The following AMY2B variants were observed in gnomAD, a reference collection of about 807,000 sequenced individuals.
AMY2B encodes amylase alpha 2B.
A neutral mutation model predicts 59.3 loss-of-function variants in AMY2B; 63 were observed. The ratio of observed to expected loss-of-function variants is 1.06; its 90% CI spans 0.87 to 1.31. AMY2B has a LOEUF of 1.31. AMY2B is among the 50% of genes most tolerant of loss of function. AMY2B has a pLI of 0.00. For synonymous variants in AMY2B, 180 were observed against 198.1 expected (o/e 0.91, Z 0.77); for missense variants, 635 against 626.7 (o/e 1.01, Z -0.14).
intron 1 of AMY2B, chr1:103,555,296 T>TA (rs1464099098): frequency 3.3e-5 from 5 of 151,666 alleles, no homozygotes; most frequent in Middle Eastern, 3.4e-3. Context: ...CATAATATTA[T>TA]AAAAAATATA....
At chr1:103,579,275 G>A (rs776345637) in intron 9 of AMY2B, 36 bp from the exon 10 acceptor site, 1 of 1,611,508 alleles carries the variant, frequency 6.2e-7, no homozygotes, top group Non-Finnish European at 8.5e-7. Flanking sequence ...TTGATTTTCA[G>A]TGTATTGAAG....
At chr1:103,554,849 A>G (rs899728476) in exon 1 of AMY2B, 1 of 152,594 alleles carries the variant, frequency 6.6e-6, no homozygotes, top group Non-Finnish European at 1.5e-5. Flanking sequence ...TTCTGTAGGC[A>G]TAGTTAAAAA....
At chr1:103,569,256 GCACA>G (rs376006540), upstream of AMY2B, 2 of 151,222 alleles carry the variant, frequency 1.3e-5, no homozygotes, top group African/African-American at 4.9e-5. Flanking sequence ...ATACACACAC[GCACA>G]CACACACAGA....
rs748203361 is a variant in AMY2B, at chr1:103,573,213, T to C, written c.466T>C (p.Cys156Arg). ...YSGWDFNDGK[C>R]KTGSGDIENY... ...TGGATGGGATTTTAATGATGGTAAATGTAAAACTGGAAGTGGAGATATCGA... is the reference window on the plus strand; with the variant it reads ...TGGATGGGATTTTAATGATGGTAAACGTAAAACTGGAAGTGGAGATATCGA... The change falls in exon 3 of 10, where the codon TGT becomes CGT. Residue 156 changes from cysteine (C) to arginine (R), a missense_variant. Coordinates refer to ENST00000684275, the MANE Select transcript of AMY2B (RefSeq NM_001387437.1). 6 of 1,613,620 alleles carry C rather than the reference T, an allele frequency of 3.7e-6. No homozygotes were observed. In the Admixed American group the frequency reaches 6.7e-5, roughly 18 times the overall value.
chr1:103,565,567 C>A lies in AMY2B; in HGVS notation c.-74C>A, dbSNP rs1456306793. ...ACGTTGTTGGAATGACTAGGGACAA[C>A]TAGACTTCAAGTGATCTTTCATCCC... On this transcript the variant is annotated 5_prime_UTR_variant, in exon 2 of 12. Transcript: ENST00000361355. 3 of 152,142 alleles carry A rather than the reference C, an allele frequency of 2.0e-5. No individual in the cohort carries two copies. In the East Asian group the frequency reaches 5.8e-4, roughly 29 times the overall value. 9.4% of individuals were successfully genotyped at this position (152,142 alleles called of 1,614,324 possible). A position where few individuals can be genotyped will look rare whatever the true frequency, so the allele number is the denominator to read the frequency against.
chr1:103,579,257 C>T, intron 9 of AMY2B, 54 bp from the exon 10 acceptor site: 1 of 1,611,214 alleles, frequency 6.2e-7, no homozygotes, highest in Non-Finnish European at 8.5e-7. Flanking sequence ...TTGTGTTAGC[C>T]TGTATTCTTG....
At chr1:103,558,939 CATAAT>C (rs560160619) in intron 1 of AMY2B, among the ~76,000 whole-genome samples, 90 of 152,118 alleles carry the variant, frequency 5.9e-4, no homozygotes, top group African/African-American at 2.0e-3. Context: ...TTGTAAACAA[CATAAT>C]ATAACAAGTT....
upstream of AMY2B, chr1:103,570,298 A>G (rs1652073219): frequency 6.7e-6 from 4 of 595,126 alleles, no homozygotes; most frequent in African/African-American, 1.8e-5. Flanking sequence ...TGTCATCACC[A>G]TCGGCAATGA....
chr1:103,569,627 C>A (rs1428996224), upstream of AMY2B: 5 of 401,624 alleles, frequency 1.2e-5, no homozygotes, highest in Admixed American at 3.0e-5. Flanking sequence ...CTGGGGACGA[C>A]AACCCCCAGC....
chr1:103,574,784 A>G lies in AMY2B; in HGVS notation c.878+391A>G, dbSNP rs530128255. 2.0e-5 allele frequency among the ~76,000 whole-genome samples: 3 copies of G among 151,546 alleles called. No individual in the cohort carries two copies. The East Asian group carries it at 5.8e-4, about 29-fold the overall frequency. ...GAATTAAAAATATAAAAATATTTAT[A>G]TTATAACAATACAGTATTGAAGCCT... On this transcript the variant is annotated intron_variant, in intron 5 of 9. Transcript: ENST00000684275.
rs1652482027 is a variant in AMY2B, at chr1:103,579,307, A to G, written c.1347-4A>G. 2.5e-6 allele frequency: 4 copies of G among 1,611,672 alleles called. No homozygotes were observed. The highest frequency in any genetic ancestry group is 3.4e-6 in the Non-Finnish European group (4 of 1,179,662). On this transcript the variant is annotated splice_region_variant and splice_polypyrimidine_tract_variant and intron_variant, in intron 9 of 9. Coordinates refer to ENST00000684275, the MANE Select transcript of AMY2B (RefSeq NM_001387437.1). ...GAAGTTAAATCTGAAATTTTATTTT[A>G]CAGGACATTTTCTTTAACTTTGCAA...
intron 4 of AMY2B, 149 bp from the exon 5 acceptor site, chr1:103,574,108 AAAC>A (rs1652249837): frequency 6.8e-7 from 1 of 1,475,078 alleles, no homozygotes; most frequent in African/African-American, 1.4e-5. Flanking sequence ...ATCACAAACA[AAAC>A]AAAACAAGAC....
chr1:103,575,541 G>C lies in AMY2B; in HGVS notation c.1101+1G>C, dbSNP rs201379773. ...GCCAAGACAGTTTCAAAATGGAAAC[G>C]TAAGTTTTGAAATTGTTCAAACTAT... is the stretch of plus-strand genomic sequence containing the variant. On this transcript the variant is annotated splice_donor_variant, in intron 7 of 9. Coordinates refer to ENST00000684275, the MANE Select transcript of AMY2B (RefSeq NM_001387437.1). LOFTEE classifies it high-confidence loss of function. 2 of 1,613,462 alleles carry C rather than the reference G, an allele frequency of 1.2e-6. No individual in the cohort carries two copies. The highest frequency in any genetic ancestry group is 1.3e-5 in the African/African-American group (1 of 74,998).
intron 9 of AMY2B, among the ~76,000 whole-genome samples, chr1:103,579,103 T>C (rs1026801622): frequency 4.6e-5 from 7 of 152,226 alleles, no homozygotes; most frequent in Non-Finnish European, 1.0e-4. Context: ...ATATTTTCAC[T>C]ACGGACCAGG....
chr1:103,567,188 A>G (rs1467750636), upstream of AMY2B, among the ~76,000 whole-genome samples: 2 of 152,194 alleles, frequency 1.3e-5, 1 homozygote, highest in East Asian at 3.8e-4. Context: ...ATGTGGAAGG[A>G]AAAGTAGTTG....
intron 1 of AMY2B, among the ~76,000 whole-genome samples, chr1:103,559,640 A>C (rs2101060713): frequency 6.6e-6 from 1 of 152,316 alleles, no homozygotes; most frequent in African/African-American, 2.4e-5. Context: ...TCAATAAGAA[A>C]AATAATAAAA....
In AMY2B at chr1:103,577,481, C is replaced by G; in HGVS notation, c.1102-9C>G. The stretch of plus-strand genomic sequence containing the variant: ...ATGTTAAAATTTGGCTTTTCACCCC[C>G]TAATTAAGGATGTTAATGATTGGGT... On this transcript the variant is annotated splice_polypyrimidine_tract_variant and intron_variant, in intron 7 of 9. Coordinates refer to ENST00000684275, the MANE Select transcript of AMY2B (RefSeq NM_001387437.1). 1 of 1,611,790 alleles carries G rather than the reference C, an allele frequency of 6.2e-7. No homozygotes were observed.
At chr1:103,555,474 G>T (rs376850311) in intron 1 of AMY2B, among the ~76,000 whole-genome samples, 5 of 151,806 alleles carry the variant, frequency 3.3e-5, no homozygotes, top group Admixed American at 2.6e-4. Context: ...TTTGGAAATG[G>T]GGGTTTATCC....
chr1:103,577,077 A>T (rs1358491808), intron 7 of AMY2B, among the ~76,000 whole-genome samples: 10 of 152,104 alleles, frequency 6.6e-5, no homozygotes, highest in East Asian at 5.8e-4. Context: ...TTTACTGAAA[A>T]TTTTTTAAAA....
Sources: gnomAD v4.1 joint callset for allele counts (sites outside exome capture counted in the v4.1 genomes callset) on GRCh38, gnomAD v4.1.1 for gene constraint, MANE v1.5 for transcripts, NCBI Gene and HGNC (gene_info 2026-07-23, HGNC 2026-07-21) for gene names.